Variants in CSMD1 observed in about 807,000 individuals in gnomAD.
CSMD1 encodes the protein CUB and sushi domain-containing protein 1.
A neutral mutation model predicts 417.5 loss-of-function variants in CSMD1; 213 were observed. The observed-to-expected ratio is 0.51, with a 90% confidence interval of 0.46 to 0.57. The LOEUF (loss-of-function observed/expected upper bound fraction) is 0.57. CSMD1 is among the 20% of genes least tolerant of loss of function. CSMD1 has a pLI of 0.00. For missense variants in CSMD1, 6,923 were observed against 4,529.7 expected (o/e 1.53, Z -15.17); for synonymous variants, 2,862 against 1,736.8 (o/e 1.65, Z -16.11).
chr8:4,185,058 G>C (rs935257153), intron 3 of CSMD1, among the ~76,000 whole-genome samples: 2 of 146,076 alleles, frequency 1.4e-5, no homozygotes, highest in South Asian at 2.2e-4. Flanking sequence ...AGAATGGCTA[G>C]AGCCTGGGAG....
intron 3 of CSMD1, among the ~76,000 whole-genome samples, chr8:4,352,383 T>C (rs1037232401): frequency 6.6e-6 from 1 of 152,200 alleles, no homozygotes; most frequent in Non-Finnish European, 1.5e-5. Context: ...AATAAATATG[T>C]CTGTAGATCC....
intron 22 of CSMD1, among the ~76,000 whole-genome samples, chr8:3,345,181 C>T (rs1008433350): frequency 1.3e-5 from 2 of 152,286 alleles, no homozygotes; most frequent in African/African-American, 4.8e-5. Flanking sequence ...GTAGGTTCAT[C>T]CGCTCTCCTG....
intron 1 of CSMD1, among the ~76,000 whole-genome samples, chr8:4,789,270 A>C (rs1188713813): frequency 6.6e-6 from 1 of 152,224 alleles, no homozygotes; most frequent in Non-Finnish European, 1.5e-5. Flanking sequence ...GATCTGAATT[A>C]TAATCCCCGG....
intron 5 of CSMD1, among the ~76,000 whole-genome samples, chr8:3,942,066 A>C (rs1244030052): frequency 1.3e-5 from 2 of 151,982 alleles, no homozygotes; most frequent in Non-Finnish European, 2.9e-5. Context: ...TGGGCATGCA[A>C]GGGATCTAGG....
chr8:3,973,823 T>C (rs1813237775), intron 5 of CSMD1, among the ~76,000 whole-genome samples: 1 of 152,150 alleles, frequency 6.6e-6, no homozygotes, highest in Non-Finnish European at 1.5e-5. Context: ...CTTTTATGTG[T>C]TTAATATGTA....
chr8:3,357,032 C>G (rs2117696073), intron 21 of CSMD1, among the ~76,000 whole-genome samples: 1 of 151,728 alleles, frequency 6.6e-6, no homozygotes, highest in South Asian at 2.1e-4. Flanking sequence ...CTGCGGGGTT[C>G]TGGAGTGAGG....
At chr8:3,482,536 G>A (rs576389637) in intron 11 of CSMD1, among the ~76,000 whole-genome samples, 1 of 152,144 alleles carries the variant, frequency 6.6e-6, no homozygotes, top group Non-Finnish European at 1.5e-5. Context: ...AACTGATAAA[G>A]CTAAGAGAAA....
intron 6 of CSMD1, among the ~76,000 whole-genome samples, chr8:3,752,699 A>AAAAAC (rs1486190026): frequency 2.5e-5 from 3 of 118,162 alleles, no homozygotes; most frequent in East Asian, 4.6e-4. Context: ...AAAAAAAAAA[A>AAAAAC]AAAAACATAT....
intron 7 of CSMD1, among the ~76,000 whole-genome samples, chr8:3,693,667 A>G (rs139582271): frequency 3.3e-5 from 5 of 152,332 alleles, no homozygotes; most frequent in African/African-American, 1.2e-4. Context: ...TTAGGTAATA[A>G]AAAGATATAA....
intron 1 of CSMD1, among the ~76,000 whole-genome samples, chr8:4,936,017 A>C (rs1400291129): frequency 1.3e-5 from 2 of 152,244 alleles, no homozygotes; most frequent in Non-Finnish European, 2.9e-5. Flanking sequence ...TAGGAACCCA[A>C]AGTGCAATGC....
chr8:3,083,624 ATATATATATATATATATATATATATT>A (rs1814274063), intron 49 of CSMD1, among the ~76,000 whole-genome samples: 18 of 17,006 alleles, frequency 1.1e-3, no homozygotes, highest in African/African-American at 3.9e-3. Context: ...ATATATATAT[ATATATATATATATATATATATATATT>A]TTTTTTTTTT....
chr8:4,016,041 G>A (rs768547621), intron 4 of CSMD1, among the ~76,000 whole-genome samples: 2 of 152,126 alleles, frequency 1.3e-5, no homozygotes, highest in East Asian at 1.9e-4. Context: ...TGACATCTAA[G>A]CTCTCAGAGA....
intron 11 of CSMD1, among the ~76,000 whole-genome samples, chr8:3,488,380 T>TACCAGG (rs1818179176): frequency 6.6e-6 from 1 of 152,164 alleles, no homozygotes; most frequent in Admixed American, 6.5e-5. Context: ...AGTTCCGGGA[T>TACCAGG]TATAGGCGTA....
intron 24 of CSMD1, among the ~76,000 whole-genome samples, chr8:3,308,041 A>G (rs1011638052): frequency 1.4e-4 from 22 of 152,256 alleles, no homozygotes; most frequent in Non-Finnish European, 2.4e-4. Context: ...GCATAAAGCA[A>G]TAAGACACTC....
At chr8:3,774,093 C>G (rs1798768802) in intron 5 of CSMD1, among the ~76,000 whole-genome samples, 1 of 152,156 alleles carries the variant, frequency 6.6e-6, no homozygotes, top group African/African-American at 2.4e-5. Context: ...AGCTTCTTGT[C>G]TAAATATGTC....
chr8:3,921,838 T>C (rs554575489), intron 5 of CSMD1, among the ~76,000 whole-genome samples: 7 of 152,274 alleles, frequency 4.6e-5, no homozygotes, highest in African/African-American at 1.7e-4. Flanking sequence ...TGTGCAAAGC[T>C]TAGAAAAATG....
intron 25 of CSMD1, among the ~76,000 whole-genome samples, chr8:3,301,886 G>C (rs1037893676): frequency 6.6e-6 from 1 of 152,062 alleles, no homozygotes; most frequent in Non-Finnish European, 1.5e-5. Flanking sequence ...TAAGAAGAAA[G>C]GAAACATAAA....
At chr8:4,939,463 G>A (rs921744938) in intron 1 of CSMD1, among the ~76,000 whole-genome samples, 6 of 152,172 alleles carry the variant, frequency 3.9e-5, no homozygotes, top group Non-Finnish European at 5.9e-5. Context: ...GTACTATTCA[G>A]CCTTTAAAAA....
At position 3,723,802 on chromosome 8, in the gene CSMD1, G is replaced by A. The variant is rs186403981; in HGVS notation, c.932-15311C>T. ...TAAAGTGAACCCATGATTTCAAAATGACCGCAACTTACTGCTACCAAATCA... is the reference window on the plus strand; with the variant it reads ...TAAAGTGAACCCATGATTTCAAAATAACCGCAACTTACTGCTACCAAATCA... On this transcript the variant is annotated intron_variant, in intron 6 of 69. Coordinates refer to ENST00000635120, the MANE Select transcript of CSMD1 (RefSeq NM_033225.6). Among the ~76,000 whole-genome samples the A allele has an allele frequency of 2.0e-5, 3 of 152,220 alleles. No individual in the cohort carries two copies. In the East Asian group the frequency reaches 5.8e-4, roughly 29 times the overall value.
Sources: allele counts gnomAD v4.1 joint callset (sites outside exome capture counted in the v4.1 genomes callset), GRCh38; gene constraint gnomAD v4.1.1; transcripts MANE v1.5; gene names NCBI Gene and HGNC (gene_info 2026-07-23, HGNC 2026-07-21).